CPNE4: variants seen among roughly 807,000 people sequenced by gnomAD.
CPNE4 encodes copine 4.
In CPNE4, 25 loss-of-function variants were observed where a neutral mutation model predicts 67.9. The ratio of observed to expected loss-of-function variants is 0.37; its 90% CI spans 0.27 to 0.51. The LOEUF (loss-of-function observed/expected upper bound fraction) is 0.51, where lower values mean the gene tolerates loss of function less well. Among genes scored for constraint, CPNE4 ranks in the 20% least tolerant of loss-of-function variants. CPNE4 has a pLI of 0.93. For missense variants in CPNE4, 464 were observed against 690.8 expected, an observed-to-expected ratio of 0.67 and a Z score of 3.68; for synonymous variants, 242 against 244.9, an observed-to-expected ratio of 0.99 and a Z score of 0.11.
intron 1 of CPNE4, among the ~76,000 whole-genome samples, chr3:131,978,195 T>C (rs1192974348): frequency 3.3e-4 from 17 of 51,450 alleles, no homozygotes; most frequent in African/African-American, 2.7e-3. Context: ...AATATATTTA[T>C]AATTATTATA....
In CPNE4 at chr3:131,699,990, A is replaced by T; in HGVS notation, c.361-10T>A. ...TTCTCTGGGAAACAATCTGCAAAAA[A>T]GGAAACAAAAGGTAACAAAAGGTAG... On this transcript the variant is annotated splice_polypyrimidine_tract_variant and intron_variant, in intron 3 of 15. Coordinates refer to ENST00000429747, the MANE Select transcript of CPNE4 (RefSeq NM_130808.3). 1 of 1,607,572 alleles carries T rather than the reference A, an allele frequency of 6.2e-7. No individual in the cohort carries two copies. Among genetic ancestry groups the T allele is most frequent in the Non-Finnish European group, 8.5e-7 (1 of 1,175,536 alleles).
At chr3:131,661,600 A>G (rs2080127070) in intron 7 of CPNE4, among the ~76,000 whole-genome samples, 1 of 152,166 alleles carries the variant, frequency 6.6e-6, no homozygotes, top group Non-Finnish European at 1.5e-5. Context: ...AGACACCTCC[A>G]TGAGTCTGCA....
At chr3:131,566,016 G>A (rs978983112) in intron 10 of CPNE4, among the ~76,000 whole-genome samples, 1 of 151,824 alleles carries the variant, frequency 6.6e-6, no homozygotes, top group Admixed American at 6.6e-5. Context: ...TGTGACATAG[G>A]GTAACAGGGC....
intron 2 of CPNE4, among the ~76,000 whole-genome samples, chr3:131,802,836 T>C (rs113068570): frequency 0.012 from 1,770 of 152,230 alleles, 23 homozygotes; most frequent in Non-Finnish European, 0.019. Context: ...CTCCTGACAA[T>C]CTTCAAAGAG....
chr3:131,972,285 G>A (rs187115981), intron 1 of CPNE4, among the ~76,000 whole-genome samples: 1 of 152,306 alleles, frequency 6.6e-6, no homozygotes, highest in Admixed American at 6.5e-5. Context: ...ACATACTTCT[G>A]TATGACTGAA....
intron 11 of CPNE4, among the ~76,000 whole-genome samples, chr3:131,556,802 TAACTC>T (rs1936481451): frequency 6.6e-6 from 1 of 152,156 alleles, no homozygotes; most frequent in African/African-American, 2.4e-5. Context: ...TATTGGATCT[TAACTC>T]TAACTTTACT....
rs1050315724 is a variant in CPNE4, at chr3:131,974,865, C to T, written c.-2+59702G>A. ...TCTACAAACAGTACAAAAATTAGCC[C>T]GGCGTGGTGGTGCACACCTGTAGTC... On this transcript the variant is annotated intron_variant, in intron 1 of 15. Coordinates refer to ENST00000429747, the MANE Select transcript of CPNE4 (RefSeq NM_130808.3). 5.3e-5 allele frequency among the ~76,000 whole-genome samples: 8 copies of T among 151,924 alleles called. No individual in the cohort carries two copies. The South Asian group carries it at 6.2e-4, about 12-fold the overall frequency.
chr3:131,975,492 A>C (rs1377595682), intron 1 of CPNE4, among the ~76,000 whole-genome samples: 1 of 152,220 alleles, frequency 6.6e-6, no homozygotes, highest in Admixed American at 6.5e-5. Flanking sequence ...AAAACATTCT[A>C]AAACTATGAC....
In CPNE4 at chr3:131,626,021, C is replaced by T. The variant is rs555653530; in HGVS notation, c.682-38439G>A. ...CTATTGTAATTGTTTTGAGGTGCCA[C>T]AAACTGTGTCCCTATAAGACAGTGA... On this transcript the variant is annotated intron_variant, in intron 7 of 15. Coordinates refer to ENST00000429747, the MANE Select transcript of CPNE4 (RefSeq NM_130808.3). Among the ~76,000 whole-genome samples, 10 of 152,290 alleles carry T rather than the reference C, an allele frequency of 6.6e-5. 1 individual carries two copies. The South Asian group carries it at 2.1e-3, about 32-fold the overall frequency.
intron 1 of CPNE4, among the ~76,000 whole-genome samples, chr3:131,951,996 A>G (rs1479264796): frequency 6.6e-6 from 1 of 150,838 alleles, no homozygotes; most frequent in Non-Finnish European, 1.5e-5. Context: ...CCGTCTGGGA[A>G]GTGAGGAGCG....
intron 1 of CPNE4, among the ~76,000 whole-genome samples, chr3:132,019,004 T>C (rs2073940557): frequency 6.6e-6 from 1 of 152,212 alleles, no homozygotes; most frequent in South Asian, 2.1e-4. Flanking sequence ...TCAAGAACTT[T>C]TTAAAAAGCT....
intron 2 of CPNE4, among the ~76,000 whole-genome samples, chr3:131,782,703 A>G (rs2107858116): frequency 6.6e-6 from 1 of 152,268 alleles, no homozygotes; most frequent in Middle Eastern, 3.4e-3. Context: ...ATAGAAATGT[A>G]CATCTACCAT....
At chr3:131,616,279 A>G (rs1940155181) in intron 7 of CPNE4, among the ~76,000 whole-genome samples, 1 of 152,218 alleles carries the variant, frequency 6.6e-6, no homozygotes, top group South Asian at 2.1e-4. Flanking sequence ...ATAATGGTAT[A>G]GCATGAGAAT....
chr3:132,031,250 T>C (rs2074227618), intron 1 of CPNE4, among the ~76,000 whole-genome samples: 1 of 152,214 alleles, frequency 6.6e-6, no homozygotes, highest in African/African-American at 2.4e-5. Context: ...ATTTTGATAT[T>C]TTGTAAATCT....
chr3:131,559,406 G>C (rs1253403486), intron 11 of CPNE4, among the ~76,000 whole-genome samples: 2 of 151,792 alleles, frequency 1.3e-5, no homozygotes, highest in African/African-American at 4.8e-5. Context: ...CTCATCCACA[G>C]GTCTATAAAC....
At chr3:131,999,005 T>C (rs562886628) in intron 1 of CPNE4, among the ~76,000 whole-genome samples, 96 of 151,984 alleles carry the variant, frequency 6.3e-4, no homozygotes, top group African/African-American at 2.1e-3. Flanking sequence ...AGAGGGACTG[T>C]GATTACTTTA....
At chr3:131,618,829 C>T (rs1007414715) in intron 7 of CPNE4, among the ~76,000 whole-genome samples, 6 of 152,080 alleles carry the variant, frequency 3.9e-5, no homozygotes, top group African/African-American at 4.8e-5. Context: ...CCATGACTAC[C>T]GGCTGACTGA....
chr3:131,816,528 A>G (rs1296114414), intron 2 of CPNE4, among the ~76,000 whole-genome samples: 3 of 152,190 alleles, frequency 2.0e-5, no homozygotes, highest in Non-Finnish European at 4.4e-5. Flanking sequence ...CAGTTTTCTG[A>G]GTTAGATTCG....
intron 2 of CPNE4, among the ~76,000 whole-genome samples, chr3:131,814,851 G>A (rs984518916): frequency 1.5e-5 from 2 of 136,140 alleles, no homozygotes; most frequent in East Asian, 1.9e-4. Flanking sequence ...TGATCCGCCC[G>A]CCTCGGCCTC....
Sources: gnomAD v4.1 joint callset for allele counts (sites outside exome capture counted in the v4.1 genomes callset) on GRCh38, gnomAD v4.1.1 for gene constraint, MANE v1.5 for transcripts, NCBI Gene and HGNC (gene_info 2026-07-23, HGNC 2026-07-21) for gene names.